The following PKHD1 variants were observed in gnomAD, a reference collection of about 807,000 sequenced individuals.
The protein encoded by PKHD1 is fibrocystin.
In PKHD1, 291 loss-of-function variants were observed where a neutral mutation model predicts 412.0. The ratio of observed to expected loss-of-function variants is 0.71; its 90% CI spans 0.64 to 0.78. The LOEUF is 0.78. PKHD1 is among the 30% of genes least tolerant of loss of function. The pLI is 0.00. For missense variants in PKHD1, 4,825 were observed against 4,950.7 expected, an observed-to-expected ratio of 0.97 and a Z score of 0.76; for synonymous variants, 1,777 against 1,821.5, an observed-to-expected ratio of 0.98 and a Z score of 0.62.
chr6:51,963,743 C>A (rs1393808767), intron 35 of PKHD1, among the ~76,000 whole-genome samples: 1 of 152,076 alleles, frequency 6.6e-6, no homozygotes, highest in Non-Finnish European at 1.5e-5. Context: ...AAAATGCCAA[C>A]AGCATTGATT....
intron 37 of PKHD1, among the ~76,000 whole-genome samples, chr6:51,933,793 C>T (rs542808434): frequency 3.0e-4 from 45 of 152,272 alleles, no homozygotes; most frequent in African/African-American, 9.6e-4. Flanking sequence ...CTGACCAAAG[C>T]GAGTATAAGG....
chr6:51,937,016 T>C (rs890490435), intron 36 of PKHD1, among the ~76,000 whole-genome samples: 7 of 152,208 alleles, frequency 4.6e-5, no homozygotes, highest in African/African-American at 1.7e-4. Context: ...GGAACCTTTT[T>C]AGATCTGCTA....
intron 55 of PKHD1, among the ~76,000 whole-genome samples, chr6:51,756,957 T>C (rs910088738): frequency 1.3e-5 from 2 of 152,118 alleles, no homozygotes; most frequent in Non-Finnish European, 2.9e-5. Context: ...TAGATTCTCA[T>C]AAGGAGCATG....
At chr6:51,806,261 G>T (rs1763770292) in intron 52 of PKHD1, among the ~76,000 whole-genome samples, 1 of 152,102 alleles carries the variant, frequency 6.6e-6, no homozygotes, top group Non-Finnish European at 1.5e-5. Flanking sequence ...CACCCAAGAG[G>T]CCATGATGCA....
intron 65 of PKHD1, among the ~76,000 whole-genome samples, chr6:51,629,911 A>G (rs1247581436): frequency 1.3e-5 from 2 of 152,072 alleles, no homozygotes. Flanking sequence ...TCAAGCTTTC[A>G]TGGGAAACTT....
At chr6:51,947,257 C>T (rs1789603035) in intron 36 of PKHD1, among the ~76,000 whole-genome samples, 1 of 152,156 alleles carries the variant, frequency 6.6e-6, no homozygotes, top group South Asian at 2.1e-4. Context: ...CCTCACTTGC[C>T]CAGCCTCTTT....
chr6:51,899,005 GA>G (rs1200454499), intron 43 of PKHD1, among the ~76,000 whole-genome samples: 1 of 152,218 alleles, frequency 6.6e-6, no homozygotes, highest in Admixed American at 6.5e-5. Flanking sequence ...AACAGGATCT[GA>G]AATTGTGGCA....
chr6:51,735,775 T>A (rs1014706913), intron 60 of PKHD1, among the ~76,000 whole-genome samples: 8 of 151,574 alleles, frequency 5.3e-5, no homozygotes, highest in South Asian at 2.1e-4. Flanking sequence ...AAAATTTTTT[T>A]TAAAAAAAAC....
chr6:51,977,294 G>A (rs1000672920), intron 35 of PKHD1, among the ~76,000 whole-genome samples: 1 of 152,170 alleles, frequency 6.6e-6, no homozygotes, highest in African/African-American at 2.4e-5. Flanking sequence ...TTCTGTGTGT[G>A]TGCATGTGTG....
At chr6:51,928,124 A>G (rs1045689612) in intron 37 of PKHD1, among the ~76,000 whole-genome samples, 4 of 152,164 alleles carry the variant, frequency 2.6e-5, no homozygotes, top group Non-Finnish European at 5.9e-5. Context: ...TGAAATAAGA[A>G]GGATTAGAGG....
chr6:52,065,971 G>A lies in PKHD1; in HGVS notation c.880+5C>T, dbSNP rs759601015. The A allele has an allele frequency of 4.3e-5, 60 of 1,383,122 alleles. No individual in the cohort carries two copies. In the Middle Eastern group the frequency reaches 5.4e-4, roughly 12 times the overall value. 85.7% of individuals were successfully genotyped at this position (1,383,122 alleles called of 1,614,324 possible). A position where few individuals can be genotyped will look rare whatever the true frequency, so the allele number is the denominator to read the frequency against. ...AACTATTTTCAGCCATTTCATCATAGTTACCTGCAATGGTAACCTGGGCAG... is the reference window on the plus strand; with the variant it reads ...AACTATTTTCAGCCATTTCATCATAATTACCTGCAATGGTAACCTGGGCAG... On this transcript the variant is annotated splice_donor_5th_base_variant and intron_variant, in intron 12 of 66. Coordinates refer to ENST00000371117, the MANE Select transcript of PKHD1 (RefSeq NM_138694.4).
chr6:52,050,803 T>C (rs970766105), intron 21 of PKHD1, among the ~76,000 whole-genome samples: 1 of 152,234 alleles, frequency 6.6e-6, no homozygotes, highest in Non-Finnish European at 1.5e-5. Flanking sequence ...GGTCAAATCC[T>C]GATTTTTTCA....
intron 54 of PKHD1, among the ~76,000 whole-genome samples, 190 bp from the exon 55 acceptor site, chr6:51,772,979 A>C (rs1410904351): frequency 6.6e-6 from 1 of 152,052 alleles, no homozygotes; most frequent in Non-Finnish European, 1.5e-5. Flanking sequence ...TCACATGGCT[A>C]TGAAATTTAT....
Position 52,035,683 on chromosome 6 carries a change from C to G in PKHD1, c.3136G>C (p.Gly1046Arg). 1 of 1,613,930 alleles carries G rather than the reference C, an allele frequency of 6.2e-7. No individual in the cohort carries two copies. The change falls in exon 28 of 67, where the codon GGT (glycine) becomes CGT (arginine). Residue 1046 changes from glycine to arginine, a missense_variant. Coordinates refer to ENST00000371117, the MANE Select transcript of PKHD1 (RefSeq NM_138694.4). The part of the protein sequence containing the change: ...WATIRGSSLE[G>R]VSLILFGSYS... Reference sequence around the variant, plus strand: ...GATCCAAATAATATCAGGCTAACACCTTCCAAACTAGAGCCTCGGATGGTG... The same window carrying G: ...GATCCAAATAATATCAGGCTAACACGTTCCAAACTAGAGCCTCGGATGGTG...
At chr6:51,996,270 A>G (rs527436313) in intron 35 of PKHD1, among the ~76,000 whole-genome samples, 31 of 151,148 alleles carry the variant, frequency 2.1e-4, no homozygotes, top group Non-Finnish European at 3.1e-4. Context: ...CAGCCTCCCA[A>G]AGTGCTGGGA....
Position 51,638,974 on chromosome 6 carries a change from AC to A in PKHD1, c.11399-19del. ...GGTGCACCCTACAAAAAAGTACAAA[AC>A]AAAAATTAGCTGTTTATTATCTAAT... is the stretch of plus-strand genomic sequence containing the variant. On this transcript the variant is annotated intron_variant, in intron 63 of 66. Transcript: ENST00000371117. 1.3e-6 allele frequency: 2 copies of A among 1,527,814 alleles called. No individual in the cohort carries two copies. Among genetic ancestry groups the A allele is most frequent in the South Asian group, 1.1e-5 (1 of 89,456 alleles). 94.6% of individuals were successfully genotyped at this position (1,527,814 alleles called of 1,614,324 possible). A position where few individuals can be genotyped will look rare whatever the true frequency, so the allele number is the denominator to read the frequency against.
intron 36 of PKHD1, among the ~76,000 whole-genome samples, chr6:51,942,006 C>G (rs1256870553): frequency 1.3e-5 from 2 of 151,640 alleles, no homozygotes; most frequent in African/African-American, 4.8e-5. Flanking sequence ...CAAACCCCAC[C>G]ACCTTCTACA....
At chr6:51,912,325 A>G in intron 38 of PKHD1, 41 bp downstream of exon 38, 1 of 1,266,388 alleles carries the variant, frequency 7.9e-7, no homozygotes, top group Non-Finnish European at 1.2e-6. Context: ...TTAAGATCTC[A>G]TCTTCTTCCA....
At chr6:51,801,735 G>A (rs1762973288) in intron 52 of PKHD1, among the ~76,000 whole-genome samples, 1 of 151,444 alleles carries the variant, frequency 6.6e-6, no homozygotes, top group Non-Finnish European at 1.5e-5. Context: ...CACCTCATGA[G>A]AAGAGTCCCA....
Sources: gnomAD v4.1 joint callset for allele counts (sites outside exome capture counted in the v4.1 genomes callset) on GRCh38, gnomAD v4.1.1 for gene constraint, MANE v1.5 for transcripts, NCBI Gene and HGNC (gene_info 2026-07-23, HGNC 2026-07-21) for gene names.